Variants in DEFB1 observed in about 807,000 individuals in gnomAD.
The protein encoded by DEFB1 is defensin beta 1, also known as beta-defensin 1.
DEFB1 carries 4 observed loss-of-function variants against 2.6 expected under a neutral mutation model. The observed-to-expected ratio is 1.53, with a 90% CI of 0.76 to 3.51. The LOEUF is 3.51. Among genes scored for constraint, DEFB1 ranks in the 30% most tolerant of loss-of-function variants. The pLI, the probability that DEFB1 is intolerant of heterozygous loss-of-function variation, is 0.01. For synonymous variants in DEFB1, 56 were observed against 28.5 expected, an observed-to-expected ratio of 1.96 and a Z score of -3.07; for missense variants, 162 against 76.9, an observed-to-expected ratio of 2.11 and a Z score of -4.14.
Position 6,870,762 on chromosome 8 carries a change from C to T in DEFB1, c.126G>A (p.Gly42=). The T allele has an allele frequency of 6.2e-7, 1 of 1,614,236 alleles. No homozygotes were observed. The highest frequency in any genetic ancestry group is 8.5e-7 in the Non-Finnish European group (1 of 1,180,048). ...SDHYNCVSSG[G]QCLYSACPIF... ...TCGGGCAGGCAGAATAGAGACATTG[C>T]CCTCCACTGCTGACGCAATTGTAAT... is the stretch of plus-strand genomic sequence containing the variant. Residue 42 remains glycine (G), a synonymous_variant, in exon 2 of 2, where the codon GGG becomes GGA. Transcript: ENST00000297439.
At position 6,870,924 on chromosome 8, in the gene DEFB1, G is replaced by A. The variant is rs370479278; in HGVS notation, c.62-98C>T. On this transcript the variant is annotated intron_variant, in intron 1 of 1. Coordinates refer to ENST00000297439, the MANE Select transcript of DEFB1 (RefSeq NM_005218.4). ...GCAGAACAAATAACTGCAAAACACCGGAGAGTCTTCTCTTCCAAGAAATTG... is the reference window on the plus strand; with the variant it reads ...GCAGAACAAATAACTGCAAAACACCAGAGAGTCTTCTCTTCCAAGAAATTG... 2.4e-4 allele frequency: 314 copies of A among 1,324,894 alleles called. 1 individual carries two copies. In the African/African-American group the frequency reaches 3.1e-3, roughly 13 times the overall value. The allele number at this position is 1,324,894 out of a possible 1,614,324, so 82.1% of individuals were successfully genotyped here.
At chr8:6,873,533 A>C (rs1333795938) in intron 1 of DEFB1, among the ~76,000 whole-genome samples, 1 of 152,216 alleles carries the variant, frequency 6.6e-6, no homozygotes, top group Non-Finnish European at 1.5e-5. Flanking sequence ...CATAAAAAAG[A>C]ATGAAGGTGT....
At chr8:6,873,107 T>C (rs1806382474) in intron 1 of DEFB1, among the ~76,000 whole-genome samples, 1 of 152,236 alleles carries the variant, frequency 6.6e-6, no homozygotes, top group Non-Finnish European at 1.5e-5. Flanking sequence ...AAATTTAATA[T>C]GGATGTAGCT....
intron 1 of DEFB1, among the ~76,000 whole-genome samples, chr8:6,875,323 G>C (rs537698529): frequency 2.0e-5 from 3 of 152,216 alleles, no homozygotes; most frequent in Non-Finnish European, 4.4e-5. Flanking sequence ...TCCATTAAGA[G>C]AGTGAAAAAT....
chr8:6,871,605 G>A (rs1315401215), intron 1 of DEFB1, among the ~76,000 whole-genome samples: 3 of 152,172 alleles, frequency 2.0e-5, no homozygotes, highest in African/African-American at 7.2e-5. Flanking sequence ...CTCAGAAGGT[G>A]ATTGTATTTG....
At chr8:6,875,236 C>T (rs1237876357) in intron 1 of DEFB1, among the ~76,000 whole-genome samples, 1 of 152,076 alleles carries the variant, frequency 6.6e-6, no homozygotes, top group Non-Finnish European at 1.5e-5. Context: ...ATAGAAAGTG[C>T]AGTAACCTTA....
chr8:6,870,676 C>G lies in DEFB1; in HGVS notation c.*5G>C. ...TCTGCGTCATTTCTTCTGGTCACTCCCAGCTCACTTGCAGCACTTGGCCTT... is the reference window on the plus strand; with the variant it reads ...TCTGCGTCATTTCTTCTGGTCACTCGCAGCTCACTTGCAGCACTTGGCCTT... On this transcript the variant is annotated 3_prime_UTR_variant, in exon 2 of 2. Coordinates refer to ENST00000297439, the MANE Select transcript of DEFB1 (RefSeq NM_005218.4). The G allele has an allele frequency of 2.5e-6, 4 of 1,612,686 alleles. No homozygotes were observed. Among genetic ancestry groups the G allele is most frequent in the South Asian group, 1.1e-5 (1 of 90,684 alleles).
intron 1 of DEFB1, among the ~76,000 whole-genome samples, chr8:6,877,326 G>C (rs2293960): frequency 0.81 from 123,935 of 152,184 alleles, 50,651 homozygotes; most frequent in Middle Eastern, 0.89. Flanking sequence ...TGCCTGCACA[G>C]GAGGTGAGTC....
intron 1 of DEFB1, among the ~76,000 whole-genome samples, chr8:6,876,443 C>T (rs1806532868): frequency 6.6e-6 from 1 of 152,052 alleles, no homozygotes. Context: ...TGCCATTGCA[C>T]TCCAGCCTGG....
chr8:6,871,795 G>A (rs1454982831), intron 1 of DEFB1, among the ~76,000 whole-genome samples: 2 of 152,194 alleles, frequency 1.3e-5, no homozygotes, highest in Admixed American at 6.5e-5. Context: ...CTGAGAAGAA[G>A]CCAACCCTGC....
At chr8:6,873,743 GA>G (rs5743470) in intron 1 of DEFB1, among the ~76,000 whole-genome samples, 61,566 of 151,770 alleles carry the variant, frequency 0.41, 12,808 homozygotes, top group Non-Finnish European at 0.44. Flanking sequence ...TGGGTGACAA[GA>G]TCACATTCCA....
At position 6,876,126 on chromosome 8, in the gene DEFB1, G is replaced by A. The variant is rs45588335; in HGVS notation, c.61+1671C>T. 1.6e-3 allele frequency among the ~76,000 whole-genome samples: 242 copies of A among 152,254 alleles called. 8 individuals are homozygous for A. In the South Asian group the frequency reaches 0.045, roughly 28 times the overall value. On this transcript the variant is annotated intron_variant, in intron 1 of 1. Transcript: ENST00000297439. ...ACACACCCCAAACTGAAATATGGGT[G>A]TAATTAAATAGCATCTACTTTTACT...
At chr8:6,876,281 C>A (rs949319444) in intron 1 of DEFB1, among the ~76,000 whole-genome samples, 5 of 152,084 alleles carry the variant, frequency 3.3e-5, no homozygotes, top group African/African-American at 1.2e-4. Flanking sequence ...TAAAGACCAG[C>A]ATGACCAGCA....
At chr8:6,872,458 A>G (rs1212210468) in intron 1 of DEFB1, among the ~76,000 whole-genome samples, 3 of 152,136 alleles carry the variant, frequency 2.0e-5, no homozygotes, top group Non-Finnish European at 4.4e-5. Flanking sequence ...ATTTCAATAG[A>G]AGGTACTCTG....
chr8:6,871,863 G>A (rs942501638), intron 1 of DEFB1, among the ~76,000 whole-genome samples: 3 of 152,160 alleles, frequency 2.0e-5, no homozygotes, highest in African/African-American at 4.8e-5. Context: ...AATTTCTGTT[G>A]TTTAAACTGC....
In DEFB1 at chr8:6,870,804, A is replaced by G. The variant is rs1332609629; in HGVS notation, c.84T>C (p.Leu28=). The G allele has an allele frequency of 2.5e-6, 4 of 1,613,608 alleles. No homozygotes were observed. The highest frequency in any genetic ancestry group is 3.4e-6 in the Non-Finnish European group (4 of 1,179,842). Residue 28 remains leucine, a synonymous_variant, in exon 2 of 2, where the codon CTT becomes CTC. Coordinates refer to ENST00000297439, the MANE Select transcript of DEFB1 (RefSeq NM_005218.4). ...MASGGNFLTG[L]GHRSDHYNCV... is the part of the protein sequence containing the mutation. The stretch of plus-strand genomic sequence containing the variant: ...AATTGTAATGATCAGATCTGTGGCC[A>G]AGGCCTGTGAGAAAGTTACCACCTG...
intron 1 of DEFB1, among the ~76,000 whole-genome samples, chr8:6,873,244 C>T (rs1017392409): frequency 2.6e-5 from 4 of 152,196 alleles, no homozygotes; most frequent in Non-Finnish European, 5.9e-5. Flanking sequence ...AACCCCGGAC[C>T]AGAATGGATG....
intron 1 of DEFB1, among the ~76,000 whole-genome samples, chr8:6,874,757 A>G (rs1243645492): frequency 6.6e-6 from 1 of 152,128 alleles, no homozygotes; most frequent in Non-Finnish European, 1.5e-5. Context: ...AGAGGCAGGC[A>G]GATAACTTGA....
At chr8:6,877,414 C>T (rs182324612) in intron 1 of DEFB1, among the ~76,000 whole-genome samples, 72 of 152,340 alleles carry the variant, frequency 4.7e-4, no homozygotes, top group Non-Finnish European at 8.7e-4. Flanking sequence ...GAGGCTGCAC[C>T]CAGTGACGTG....
Sources: gnomAD v4.1 joint callset for allele counts (sites outside exome capture counted in the v4.1 genomes callset) on GRCh38, gnomAD v4.1.1 for gene constraint, MANE v1.5 for transcripts, NCBI Gene and HGNC (gene_info 2026-07-23, HGNC 2026-07-21) for gene names.